Variants in MSH4 observed in about 807,000 individuals in gnomAD.
The protein encoded by MSH4 is mutS homolog 4, also known as mutS protein homolog 4.
A neutral mutation model predicts 113.7 loss-of-function variants in MSH4; 106 were observed. The observed-to-expected ratio is 0.93, with a 90% confidence interval of 0.80 to 1.10. The LOEUF (loss-of-function observed/expected upper bound fraction) is 1.10. Ranked by LOEUF, MSH4 falls within the 50% of genes least tolerant of loss-of-function variation. The pLI is 0.00. For synonymous variants in MSH4, 368 were observed against 380.2 expected, an observed-to-expected ratio of 0.97 and a Z score of 0.37; for missense variants, 1,061 against 1,093.7, an observed-to-expected ratio of 0.97 and a Z score of 0.42.
chr1:75,860,335 T>C (rs1417316067), intron 8 of MSH4, among the ~76,000 whole-genome samples: 1 of 152,168 alleles, frequency 6.6e-6, no homozygotes, highest in African/African-American at 2.4e-5. Context: ...CTCCCATTAA[T>C]TTATGCAGTT....
chr1:75,868,249 A>G lies in MSH4; in HGVS notation c.1305+661A>G, dbSNP rs371416379. ...TAATGCCATTTCCTCATTCTTGGTGATATTAACTGATCAATTTCTTCACCA... is the reference window on the plus strand; with the variant it reads ...TAATGCCATTTCCTCATTCTTGGTGGTATTAACTGATCAATTTCTTCACCA... On this transcript the variant is annotated intron_variant, in intron 9 of 19. Coordinates refer to ENST00000263187, the MANE Select transcript of MSH4 (RefSeq NM_002440.4). 3.9e-4 allele frequency among the ~76,000 whole-genome samples: 60 copies of G among 152,258 alleles called. 1 individual carries two copies. Among genetic ancestry groups the G allele is most frequent in the African/African-American group, 1.4e-3 (59 of 41,560 alleles).
At chr1:75,845,523 TAAG>T (rs1474474481) in intron 7 of MSH4, among the ~76,000 whole-genome samples, 4 of 152,304 alleles carry the variant, frequency 2.6e-5, no homozygotes, top group Admixed American at 6.5e-5. Context: ...CAGTAAGTCT[TAAG>T]AAGAAGAATC....
rs751781089 is a variant in MSH4 at position 75,880,055 on chromosome 1, TA to T, written c.1686del (p.Val563Ter). 9.0e-5 allele frequency: 139 copies of T among 1,550,158 alleles called. No homozygotes were observed. Among genetic ancestry groups the T allele is most frequent in the Non-Finnish European group, 1.2e-4 (134 of 1,129,054 alleles). ...GTTTTTTAATCTCCAAGCAGATTTCTAAAGTGAAAAATTCTTACAGCTTTAC... is the reference window on the plus strand; with the variant it reads ...GTTTTTTAATCTCCAAGCAGATTTCTAAGTGAAAAATTCTTACAGCTTTAC... ...QLPSEFIKIS[K>X]VKNSYSFTSA... is the part of the protein sequence containing the mutation. On this transcript the variant is annotated frameshift_variant, in exon 13 of 20. Coordinates refer to ENST00000263187, the MANE Select transcript of MSH4 (RefSeq NM_002440.4). LOFTEE classifies it high-confidence loss of function.
chr1:75,855,146 T>G (rs1425006330), intron 8 of MSH4, among the ~76,000 whole-genome samples: 1 of 152,106 alleles, frequency 6.6e-6, no homozygotes, highest in Non-Finnish European at 1.5e-5. Flanking sequence ...TGTGCAATCT[T>G]CCTACCTCAG....
chr1:75,906,353 GT>G (rs1652629944), intron 19 of MSH4, among the ~76,000 whole-genome samples: 1 of 136,620 alleles, frequency 7.3e-6, no homozygotes, highest in African/African-American at 2.8e-5. Context: ...TTATCTGGTT[GT>G]TTTGTAAGTG....
At chr1:75,837,041 G>A (rs1262168155) in intron 7 of MSH4, among the ~76,000 whole-genome samples, 1 of 152,166 alleles carries the variant, frequency 6.6e-6, no homozygotes, top group Non-Finnish European at 1.5e-5. Flanking sequence ...AAATTCATAT[G>A]TTGAAGTCCT....
At chr1:75,855,986 T>C (rs1407383325) in intron 8 of MSH4, among the ~76,000 whole-genome samples, 2 of 152,228 alleles carry the variant, frequency 1.3e-5, no homozygotes, top group Non-Finnish European at 2.9e-5. Flanking sequence ...CACAGTTTCA[T>C]ACAGTGTCAC....
chr1:75,905,385 G>A (rs1652602898), intron 19 of MSH4, among the ~76,000 whole-genome samples: 1 of 151,572 alleles, frequency 6.6e-6, no homozygotes, highest in African/African-American at 2.4e-5. Context: ...TTGATTTCTA[G>A]TTTTATTCCA....
rs1217705221 is a variant in MSH4, at chr1:75,885,051, G to GTATATATATATA, written c.2107+1231_2107+1232insATATATATATAT. ...TATATGTGTGTGTGTGTGTGTGTGT[G>GTATATATATATA]TGTGTGTGTATATATATATATATAC... On this transcript the variant is annotated intron_variant, in intron 15 of 19. Transcript: ENST00000263187. 1.7e-3 allele frequency among the ~76,000 whole-genome samples: 192 copies of GTATATATATATA among 113,254 alleles called. 1 individual carries two copies. Among genetic ancestry groups the GTATATATATATA allele is most frequent in the African/African-American group, 7.0e-3 (165 of 23,552 alleles). 74.3% of individuals were successfully genotyped at this position (113,254 alleles called of 152,430 possible).
At chr1:75,875,523 G>T (rs1320678449) in intron 9 of MSH4, among the ~76,000 whole-genome samples, 1 of 152,084 alleles carries the variant, frequency 6.6e-6, no homozygotes, top group Non-Finnish European at 1.5e-5. Flanking sequence ...TGAAGCAGAT[G>T]ACTCTAGAGG....
At chr1:75,910,015 C>T (rs1271850662) in intron 19 of MSH4, among the ~76,000 whole-genome samples, 1 of 152,094 alleles carries the variant, frequency 6.6e-6, no homozygotes, top group Non-Finnish European at 1.5e-5. Context: ...TTCTCTTTTG[C>T]ATCTTTAATA....
intron 1 of MSH4, among the ~76,000 whole-genome samples, chr1:75,803,345 G>A (rs1649979865): frequency 6.6e-6 from 1 of 151,874 alleles, no homozygotes; most frequent in Non-Finnish European, 1.5e-5. Flanking sequence ...GTGGTTGGGT[G>A]CGGTGACTCA....
intron 15 of MSH4, among the ~76,000 whole-genome samples, chr1:75,887,185 A>AT (rs1210050924): frequency 2.0e-5 from 3 of 151,994 alleles, no homozygotes; most frequent in African/African-American, 4.8e-5. Context: ...TGATTAGATC[A>AT]TGGGGGGCGG....
At chr1:75,878,119 A>G (rs1313049071) in intron 10 of MSH4, 30 bp from the exon 11 acceptor site, 5 of 1,453,236 alleles carry the variant, frequency 3.4e-6, no homozygotes, top group East Asian at 4.8e-5. Context: ...CTTATTGCCT[A>G]TAATGTTTTT....
At chr1:75,853,370 T>G (rs1480004963) in intron 8 of MSH4, among the ~76,000 whole-genome samples, 1 of 152,148 alleles carries the variant, frequency 6.6e-6, no homozygotes, top group African/African-American at 2.4e-5. Context: ...TGGCCTGATT[T>G]TTTTTATTGT....
intron 8 of MSH4, among the ~76,000 whole-genome samples, chr1:75,852,997 A>C (rs958448068): frequency 1.1e-4 from 16 of 152,298 alleles, no homozygotes; most frequent in Admixed American, 8.5e-4. Flanking sequence ...TACGTTATAC[A>C]GAGCTGAGCC....
chr1:75,832,588 C>T (rs566204821), intron 7 of MSH4, among the ~76,000 whole-genome samples: 4 of 152,220 alleles, frequency 2.6e-5, no homozygotes, highest in Non-Finnish European at 5.9e-5. Flanking sequence ...TTATCCACCA[C>T]GATCAAGGCG....
intron 15 of MSH4, among the ~76,000 whole-genome samples, chr1:75,887,266 C>T (rs556681417): frequency 6.6e-6 from 1 of 152,178 alleles, no homozygotes; most frequent in East Asian, 1.9e-4. Flanking sequence ...TTGGCAGTTC[C>T]CACCTTGCTC....
intron 9 of MSH4, among the ~76,000 whole-genome samples, chr1:75,869,223 C>T (rs570410305): frequency 1.2e-4 from 19 of 152,264 alleles, no homozygotes; most frequent in African/African-American, 4.6e-4. Flanking sequence ...GCATTTTCCC[C>T]TGCCCTGGAG....
Sources: allele counts gnomAD v4.1 joint callset (sites outside exome capture counted in the v4.1 genomes callset), GRCh38; gene constraint gnomAD v4.1.1; transcripts MANE v1.5; gene names NCBI Gene and HGNC (gene_info 2026-07-23, HGNC 2026-07-21).